Variants in ECPAS observed in about 807,000 individuals in gnomAD.
The protein encoded by ECPAS is Ecm29 proteasome adaptor and scaffold, also known as proteasome adapter and scaffold protein ECM29.
In ECPAS, 70 loss-of-function variants were observed where a neutral mutation model predicts 255.1. The observed-to-expected ratio is 0.27, with a 90% confidence interval of 0.23 to 0.33. The LOEUF is 0.33. Ranked by LOEUF, ECPAS falls within the 10% of genes least tolerant of loss-of-function variation. The pLI, the probability that ECPAS is intolerant of heterozygous loss-of-function variation, is 1.00. For missense variants in ECPAS, 1,817 were observed against 2,206.4 expected, an observed-to-expected ratio of 0.82 and a Z score of 3.54; for synonymous variants, 784 against 775.0, an observed-to-expected ratio of 1.01 and a Z score of -0.19.
chr9:111,378,678 G>A lies in ECPAS; in HGVS notation c.3856C>T (p.His1286Tyr), dbSNP rs1199804150. The A allele has an allele frequency of 6.2e-7, 1 of 1,613,732 alleles. No individual in the cohort carries two copies. The highest frequency in any genetic ancestry group is 2.2e-5 in the East Asian group (1 of 44,870). Residue 1286 changes from histidine (H) to tyrosine (Y), a missense_variant, in exon 36 of 50, where the codon CAT becomes TAT. His to Tyr is a moderately conservative substitution (Grantham distance 83). This residue lies in a region of ECPAS where 960 missense variants were observed against 1,179.0 expected (regional missense o/e 0.81). Transcript: ENST00000684092. ...SKSAGAMLKP[H>Y]APKLIPALLE... ...AGAGCTGGAATGAGTTTTGGTGCAT[G>A]CGGTTTCAACATGGCTCCTGCACTT... is the stretch of plus-strand genomic sequence containing the variant.
intron 33 of ECPAS, 98 bp downstream of exon 33, chr9:111,385,239 T>C: frequency 1.4e-6 from 1 of 693,532 alleles, no homozygotes; most frequent in South Asian, 2.2e-5. Flanking sequence ...TCTCTTAAAA[T>C]TATCTGGAAA....
chr9:111,414,681 T>C (rs1400874134), intron 18 of ECPAS, 30 bp from the exon 19 acceptor site: 1 of 1,576,388 alleles, frequency 6.3e-7, no homozygotes, highest in East Asian at 2.3e-5. Context: ...GAAGACTGCA[T>C]AAGCTTCTCG....
intron 1 of ECPAS, chr9:111,483,601 T>G: frequency 8.0e-6 from 3 of 373,332 alleles, no homozygotes; most frequent in Non-Finnish European, 1.1e-5. Flanking sequence ...GCCGGGGGGC[T>G]CGCGGCTCGC....
intron 29 of ECPAS, 123 bp downstream of exon 29, chr9:111,391,633 C>T (rs1022541247): frequency 3.2e-6 from 2 of 631,262 alleles, no homozygotes; most frequent in African/African-American, 3.7e-5. Context: ...TTTCTTCTTC[C>T]ACCAATAGAT....
chr9:111,421,198 T>C lies in ECPAS; in HGVS notation c.1455+723A>G, dbSNP rs537857031. ...ATGTATATAATAGCACATTTAACCC[T>C]GTCATATTTTAATAGGAAGCAGATA... On this transcript the variant is annotated intron_variant, in intron 15 of 49. Coordinates refer to ENST00000684092, the MANE Select transcript of ECPAS (RefSeq NM_001364929.1). Among the ~76,000 whole-genome samples the C allele has an allele frequency of 2.6e-5, 4 of 152,296 alleles. No homozygotes were observed. The South Asian group carries it at 6.2e-4, about 24-fold the overall frequency.
intron 20 of ECPAS, among the ~76,000 whole-genome samples, chr9:111,412,985 A>T (rs2098197087): frequency 6.6e-6 from 1 of 152,220 alleles, no homozygotes; most frequent in Admixed American, 6.5e-5. Flanking sequence ...TATTTATCTG[A>T]AATTCAAATT....
At chr9:111,481,050 T>G (rs1171314041) in intron 1 of ECPAS, among the ~76,000 whole-genome samples, 1 of 152,214 alleles carries the variant, frequency 6.6e-6, no homozygotes. Context: ...TCAGATGTCA[T>G]ACAGCATAGC....
At chr9:111,393,349 A>G (rs2098163031) in intron 27 of ECPAS, among the ~76,000 whole-genome samples, 1 of 152,216 alleles carries the variant, frequency 6.6e-6, no homozygotes, top group Non-Finnish European at 1.5e-5. Context: ...TAAATCAGAG[A>G]GGAAAAGTAA....
Position 111,360,965 on chromosome 9 carries a change from T to G in ECPAS, c.*1065A>C, listed in dbSNP as rs1276079039. On this transcript the variant is annotated 3_prime_UTR_variant, in exon 50 of 50. Coordinates refer to ENST00000684092, the MANE Select transcript of ECPAS (RefSeq NM_001364929.1). Reference sequence around the variant, plus strand: ...TACCCTACACTTTCAGGCAGGGGCATGGGCAACAGAAGGAAGGAGGAAAAC... The same window carrying G: ...TACCCTACACTTTCAGGCAGGGGCAGGGGCAACAGAAGGAAGGAGGAAAAC... 6.6e-6 allele frequency: 1 copy of G among 152,184 alleles called. No homozygotes were observed. The allele number at this position is 152,184 out of a possible 1,614,324, so 9.4% of individuals were successfully genotyped here. A position where few individuals can be genotyped will look rare whatever the true frequency, so the allele number is the denominator to read the frequency against.
intron 48 of ECPAS, among the ~76,000 whole-genome samples, chr9:111,364,939 G>A (rs2098118428): frequency 6.6e-6 from 1 of 152,168 alleles, no homozygotes; most frequent in Non-Finnish European, 1.5e-5. Flanking sequence ...CTTCAAAATT[G>A]TCAATGTCCT....
chr9:111,375,007 T>C, intron 38 of ECPAS, 106 bp downstream of exon 38: 1 of 794,390 alleles, frequency 1.3e-6, no homozygotes, highest in Non-Finnish European at 2.2e-6. Flanking sequence ...TAGTGTATAA[T>C]ATTAGATTTT....
intron 23 of ECPAS, 118 bp downstream of exon 23, chr9:111,409,923 T>C (rs913300183): frequency 3.9e-6 from 3 of 769,946 alleles, no homozygotes; most frequent in Non-Finnish European, 4.1e-6. Flanking sequence ...TCACCCATTT[T>C]TACATTAAAT....
At chr9:111,473,035 A>G (rs1564569460) in intron 1 of ECPAS, 35 bp from the exon 2 acceptor site, 1 of 597,978 alleles carries the variant, frequency 1.7e-6, no homozygotes, top group Non-Finnish European at 2.2e-6. Context: ...TACAATTAAC[A>G]GATGTATATG....
Position 111,384,096 on chromosome 9 carries a change from G to A in ECPAS, c.3681+426C>T, listed in dbSNP as rs192785323. 3.5e-3 allele frequency among the ~76,000 whole-genome samples: 532 copies of A among 152,174 alleles called. 2 individuals carry two copies. The highest frequency in any genetic ancestry group is 0.012 in the African/African-American group (482 of 41,516). On this transcript the variant is annotated intron_variant, in intron 34 of 49. Coordinates refer to ENST00000684092, the MANE Select transcript of ECPAS (RefSeq NM_001364929.1). Reference sequence around the variant, plus strand: ...GGTTTTACTATTTATGTGACCTATGGCAAGGTTTGTGCAACTAGAATGTAA... The same window carrying A: ...GGTTTTACTATTTATGTGACCTATGACAAGGTTTGTGCAACTAGAATGTAA...
At chr9:111,446,054 C>T (rs1373892305) in intron 3 of ECPAS, among the ~76,000 whole-genome samples, 1 of 152,192 alleles carries the variant, frequency 6.6e-6, no homozygotes, top group Admixed American at 6.5e-5. Context: ...ATATGTGCCA[C>T]ATTTTCTTAA....
chr9:111,454,503 C>T (rs1334995900), intron 2 of ECPAS, among the ~76,000 whole-genome samples: 1 of 152,044 alleles, frequency 6.6e-6, no homozygotes, highest in African/African-American at 2.4e-5. Context: ...AGAGCACCAA[C>T]CACCATGTGA....
chr9:111,373,900 T>C, intron 39 of ECPAS, 72 bp downstream of exon 39: 2 of 1,157,048 alleles, frequency 1.7e-6, no homozygotes, highest in South Asian at 2.5e-5. Context: ...TAAGTATTTT[T>C]CCTTTTTAAA....
In ECPAS at chr9:111,378,566, C is replaced by T. The variant is rs199827692; in HGVS notation, c.3954+14G>A. 9.9e-5 allele frequency: 160 copies of T among 1,609,412 alleles called. No homozygotes were observed. Among genetic ancestry groups the T allele is most frequent in the Admixed American group, 4.2e-4 (25 of 59,830 alleles). On this transcript the variant is annotated intron_variant, in intron 36 of 49. Transcript: ENST00000684092. The stretch of plus-strand genomic sequence containing the variant: ...CTCATGATACTTACCAATATGCCTG[C>T]GCTATCCACTCACCTTTTCTTGCTC...
In ECPAS at chr9:111,373,070, A is replaced by G. The variant is rs1271504456; in HGVS notation, c.4336+100T>C. 3 of 935,594 alleles carry G rather than the reference A, an allele frequency of 3.2e-6. No individual in the cohort carries two copies. The East Asian group carries it at 7.2e-5, about 22-fold the overall frequency. The allele number at this position is 935,594 out of a possible 1,614,324, so 58.0% of individuals were successfully genotyped here. A position where few individuals can be genotyped will look rare whatever the true frequency, so the allele number is the denominator to read the frequency against. ...AGAAAAGAAACAAATGTTTCTAGCA[A>G]ATCACATAAAATCATGGAGGGTAAG... On this transcript the variant is annotated intron_variant, in intron 41 of 49. Transcript: ENST00000684092.
Sources: gnomAD v4.1 joint callset for allele counts (sites outside exome capture counted in the v4.1 genomes callset) on GRCh38, gnomAD v4.1.1 for gene constraint, gnomAD v4.1.1 regional missense constraint, MANE v1.5 for transcripts, NCBI Gene and HGNC (gene_info 2026-07-23, HGNC 2026-07-21) for gene names.